The following ANK3 variants were observed in gnomAD, a reference collection of about 807,000 sequenced individuals.
ANK3 encodes ankyrin-3.
A neutral mutation model predicts 370.9 loss-of-function variants in ANK3; 57 were observed. The ratio of observed to expected loss-of-function variants is 0.15; its 90% CI spans 0.12 to 0.19. ANK3 has a LOEUF of 0.19. ANK3 is among the 10% of genes least tolerant of loss of function. The pLI, the probability that ANK3 is intolerant of heterozygous loss-of-function variation, is 1.00. For missense variants in ANK3, 4,439 were observed against 5,302.1 expected (o/e 0.84, Z 5.06); for synonymous variants, 1,929 against 1,946.3 (o/e 0.99, Z 0.23).
chr10:60,070,261 T>A lies in ANK3; in HGVS notation c.10620A>T (p.Leu3540=), dbSNP rs1564762381. 6.2e-7 allele frequency: 1 copy of A among 1,614,130 alleles called. No individual in the cohort carries two copies. Among genetic ancestry groups the A allele is most frequent in the African/African-American group, 1.3e-5 (1 of 75,044 alleles). Residue 3540 remains leucine, a synonymous_variant, in exon 37 of 44, where the codon CTA becomes CTT. Transcript: ENST00000280772. This position sits in a 1 kb window ranked among gnomAD's most constrained non-coding sequence, Gnocchi z 5.7. ...TPFKTVATKG[L]DFDPWSNNRG... ...GGTTATTAGACCAAGGGTCAAAATC[T>A]AGACCTTTGGTAGCTACTGTTTTAA...
At chr10:60,718,437 T>C (rs1050532872) in intron 1 of ANK3, among the ~76,000 whole-genome samples, 4 of 151,910 alleles carry the variant, frequency 2.6e-5, no homozygotes, top group African/African-American at 9.7e-5. Flanking sequence ...TAATTTGAAA[T>C]GGGAGGAGTC....
chr10:60,369,297 A>G (rs2059804623), intron 1 of ANK3, among the ~76,000 whole-genome samples: 1 of 152,200 alleles, frequency 6.6e-6, no homozygotes, highest in African/African-American at 2.4e-5. Flanking sequence ...ACATTACCAT[A>G]AACAGTTTAT....
rs143955764 is a variant in ANK3 at position 60,628,961 on chromosome 10, T to C, written c.58-13737A>G. Among the ~76,000 whole-genome samples, 705 of 152,308 alleles carry C rather than the reference T, an allele frequency of 4.6e-3. 6 individuals carry two copies. Among genetic ancestry groups the C allele is most frequent in the African/African-American group, 0.016 (664 of 41,574 alleles). ...TTGAGTAGTATGCTTAAAACTTCTCTTCAACTTAGGTATTTGCCATTTTAT... is the reference window on the plus strand; with the variant it reads ...TTGAGTAGTATGCTTAAAACTTCTCCTCAACTTAGGTATTTGCCATTTTAT... On this transcript the variant is annotated intron_variant, in intron 1 of 43. Coordinates refer to the ANK3 transcript ENST00000373827.
At chr10:60,420,346 T>C (rs2063753192) in intron 2 of ANK3, among the ~76,000 whole-genome samples, 1 of 152,136 alleles carries the variant, frequency 6.6e-6, no homozygotes. Flanking sequence ...CTGACCCACG[T>C]TGAGAGCCTG....
chr10:60,510,569 T>G (rs1001447009), intron 2 of ANK3, among the ~76,000 whole-genome samples: 2 of 152,142 alleles, frequency 1.3e-5, no homozygotes, highest in African/African-American at 4.8e-5. Flanking sequence ...ATAACAGCAC[T>G]TTGGGAGGCC....
At chr10:60,315,878 A>C (rs1207062469) in intron 1 of ANK3, among the ~76,000 whole-genome samples, 1 of 152,190 alleles carries the variant, frequency 6.6e-6, no homozygotes, top group Non-Finnish European at 1.5e-5. Context: ...TCTGCCAGCA[A>C]ATATTATGAG....
chr10:60,517,352 T>C (rs747552252), intron 2 of ANK3, among the ~76,000 whole-genome samples: 26 of 152,076 alleles, frequency 1.7e-4, no homozygotes, highest in Non-Finnish European at 3.2e-4. Flanking sequence ...TGTGAACCAC[T>C]GTGCCCAGCC....
intron 42 of ANK3, among the ~76,000 whole-genome samples, chr10:60,054,103 C>T (rs935036917): frequency 1.3e-5 from 2 of 152,150 alleles, no homozygotes; most frequent in Non-Finnish European, 2.9e-5. Flanking sequence ...TTTCCAGTGG[C>T]CCATACATAT....
intron 1 of ANK3, among the ~76,000 whole-genome samples, chr10:60,342,764 C>A (rs2054552633): frequency 6.6e-6 from 1 of 152,048 alleles, no homozygotes; most frequent in Non-Finnish European, 1.5e-5. Flanking sequence ...TCGAGAGATC[C>A]TATATGGCAG....
In ANK3 at chr10:60,328,813, C is replaced by A. The variant is rs563985477; in HGVS notation, c.115-49174G>T. Among the ~76,000 whole-genome samples the A allele has an allele frequency of 3.3e-5, 5 of 152,262 alleles. No homozygotes were observed. In the South Asian group the frequency reaches 6.2e-4, roughly 19 times the overall value. ...GCACCATCCTGATACCAAAACCTGG[C>A]AAAGACACAACAACAAAAAAAGAAA... On this transcript the variant is annotated intron_variant, in intron 1 of 43. Transcript: ENST00000280772.
chr10:60,267,539 T>C (rs1566108958), intron 5 of ANK3, among the ~76,000 whole-genome samples: 2 of 152,114 alleles, frequency 1.3e-5, no homozygotes, highest in African/African-American at 4.8e-5. Flanking sequence ...TTAAAATATA[T>C]ATCCTTTGCT....
chr10:60,092,542 T>C (rs1477554008), intron 28 of ANK3, among the ~76,000 whole-genome samples: 2 of 152,156 alleles, frequency 1.3e-5, no homozygotes, highest in Non-Finnish European at 2.9e-5. Context: ...AACAGAACTT[T>C]TATTATCAAA....
intron 1 of ANK3, among the ~76,000 whole-genome samples, chr10:60,279,887 A>C (rs929042414): frequency 2.6e-5 from 4 of 152,194 alleles, no homozygotes; most frequent in African/African-American, 9.7e-5. Flanking sequence ...AATTTCCTAT[A>C]AAGTATAGGC....
At position 60,484,998 on chromosome 10, in the gene ANK3, C is replaced by T. The variant is rs191054566; in HGVS notation, c.96+130188G>A. ...ATTAAATCCGATATTTCCTTGATGA[C>T]CATGAGAATCATCAAAGAAAAATAA... On this transcript the variant is annotated intron_variant, in intron 2 of 43. Transcript: ENST00000373827. Among the ~76,000 whole-genome samples the T allele has an allele frequency of 3.9e-5, 6 of 152,102 alleles. No individual in the cohort carries two copies. The East Asian group carries it at 1.2e-3, about 29-fold the overall frequency.
At chr10:60,396,217 A>G (rs2063236091) in intron 2 of ANK3, among the ~76,000 whole-genome samples, 1 of 152,240 alleles carries the variant, frequency 6.6e-6, no homozygotes, top group Non-Finnish European at 1.5e-5. Context: ...AAAATAAATT[A>G]GTATGGGTGA....
chr10:60,237,397 G>C (rs138472187), intron 7 of ANK3, among the ~76,000 whole-genome samples: 207 of 152,220 alleles, frequency 1.4e-3, no homozygotes, highest in African/African-American at 4.7e-3. Context: ...TTCCCAGTGT[G>C]AGTAAGGGCT....
intron 1 of ANK3, among the ~76,000 whole-genome samples, chr10:60,378,653 A>G (rs2061135802): frequency 6.6e-6 from 1 of 152,130 alleles, no homozygotes. Context: ...ATGCAAAAGA[A>G]TGAAGAATGA....
At chr10:60,083,401 A>T in intron 33 of ANK3, 91 bp downstream of exon 33, 1 of 1,395,210 alleles carries the variant, frequency 7.2e-7, no homozygotes, top group Non-Finnish European at 9.8e-7. Context: ...GGGGTATTTC[A>T]AATTAAATAA....
intron 2 of ANK3, among the ~76,000 whole-genome samples, chr10:60,486,808 A>G (rs1220813732): frequency 7.8e-6 from 1 of 127,402 alleles, no homozygotes; most frequent in Non-Finnish European, 1.8e-5. Context: ...TGATATATTC[A>G]ATTAACACTA....
Sources: allele counts gnomAD v4.1 joint callset (sites outside exome capture counted in the v4.1 genomes callset), GRCh38; gene constraint gnomAD v4.1.1; non-coding constraint Gnocchi (gnomAD v3.1); transcripts MANE v1.5; gene names NCBI Gene and HGNC (gene_info 2026-07-23, HGNC 2026-07-21).